MYOCOS: variants seen among roughly 807,000 people sequenced by gnomAD.
The protein encoded by MYOCOS is myocilin opposite strand protein.
At chr1:171,611,645 G>T (rs1652353614) in intron 1 of MYOCOS, among the ~76,000 whole-genome samples, 1 of 152,174 alleles carries the variant, frequency 6.6e-6, no homozygotes, top group African/African-American at 2.4e-5. Flanking sequence ...GCCTGGACCT[G>T]CAGGGTCCTT....
chr1:171,614,123 T>C (rs1188147525), intron 1 of MYOCOS, among the ~76,000 whole-genome samples: 1 of 152,224 alleles, frequency 6.6e-6, no homozygotes, highest in African/African-American at 2.4e-5. Flanking sequence ...AATTTAACAA[T>C]TGTGCCATTA....
At chr1:171,601,857 C>G (rs1352025748) in intron 1 of MYOCOS, among the ~76,000 whole-genome samples, 1 of 152,038 alleles carries the variant, frequency 6.6e-6, no homozygotes, top group Non-Finnish European at 1.5e-5. Context: ...CCATCTATAC[C>G]AATTCTAAGT....
rs374069702 is a variant in MYOCOS at position 171,610,862 on chromosome 1, T to C, written c.-251-3936T>C. On this transcript the variant is annotated intron_variant, in intron 1 of 3. Coordinates refer to the MYOCOS transcript ENST00000636697. ...AAGGTAAAACAAACACTTTAAGCCC[T>C]CTGATAGTGGTGCTAGTTTAGGTCT... is the stretch of plus-strand genomic sequence containing the variant. 2.7e-4 allele frequency among the ~76,000 whole-genome samples: 41 copies of C among 152,354 alleles called. 1 individual carries two copies. The South Asian group carries it at 7.5e-3, about 28-fold the overall frequency.
At chr1:171,621,053 C>A (rs1481391481), upstream of MYOCOS, among the ~76,000 whole-genome samples, 1 of 152,040 alleles carries the variant, frequency 6.6e-6, no homozygotes, top group African/African-American at 2.4e-5. Flanking sequence ...CAGGCACGAG[C>A]CACCGTGCCC....
intron 1 of MYOCOS, among the ~76,000 whole-genome samples, chr1:171,601,782 G>T (rs1652147001): frequency 6.6e-6 from 1 of 152,108 alleles, no homozygotes; most frequent in African/African-American, 2.4e-5. Flanking sequence ...CCCCACAGTA[G>T]TTAAGAGAAC....
At chr1:171,609,324 T>C (rs1487028811) in intron 1 of MYOCOS, among the ~76,000 whole-genome samples, 1 of 152,182 alleles carries the variant, frequency 6.6e-6, no homozygotes, top group African/African-American at 2.4e-5. Flanking sequence ...GAGACTAGAG[T>C]CAAGTATCCC....
chr1:171,617,996 C>A (rs531183294), upstream of MYOCOS, among the ~76,000 whole-genome samples: 1 of 152,266 alleles, frequency 6.6e-6, no homozygotes, highest in East Asian at 1.9e-4. Flanking sequence ...ATGTGGAATT[C>A]TCTTATGATT....
intron 2 of MYOCOS, among the ~76,000 whole-genome samples, chr1:171,616,969 C>A (rs937357010): frequency 6.6e-6 from 1 of 152,144 alleles, no homozygotes; most frequent in African/African-American, 2.4e-5. Context: ...GGCATGCTGG[C>A]ACCTAGAGAA....
At chr1:171,605,575 A>G (rs1652229636) in intron 1 of MYOCOS, among the ~76,000 whole-genome samples, 1 of 152,158 alleles carries the variant, frequency 6.6e-6, no homozygotes, top group Non-Finnish European at 1.5e-5. Context: ...TGATCAGTGG[A>G]CAGGTAGCTG....
At chr1:171,616,878 C>CTGT (rs1436787832) in intron 2 of MYOCOS, among the ~76,000 whole-genome samples, 8 of 152,136 alleles carry the variant, frequency 5.3e-5, no homozygotes, top group Admixed American at 2.0e-4. Flanking sequence ...AGCCATGTAG[C>CTGT]CATAACATGG....
At position 171,605,373 on chromosome 1, in the gene MYOCOS, C is replaced by CCACACACACACACA. The variant is rs55880778; in HGVS notation, c.-252+4302_-252+4315dup. Among the ~76,000 whole-genome samples, 7 of 139,220 alleles carry CCACACACACACACA rather than the reference C, an allele frequency of 5.0e-5. No homozygotes were observed. The East Asian group carries it at 8.4e-4, about 17-fold the overall frequency. The allele number at this position is 139,220 out of a possible 152,430, so 91.3% of individuals were successfully genotyped here. A position where few individuals can be genotyped will look rare whatever the true frequency, so the allele number is the denominator to read the frequency against. ...TAAGACAAAAACCATATTAATAGTA[C>CCACACACACACACA]CACACACACACACACACACACAAAA... On this transcript the variant is annotated intron_variant, in intron 1 of 3. Coordinates refer to the MYOCOS transcript ENST00000636697.
At chr1:171,614,391 C>T (rs1558080515) in intron 1 of MYOCOS, among the ~76,000 whole-genome samples, 1 of 152,170 alleles carries the variant, frequency 6.6e-6, no homozygotes, top group Non-Finnish European at 1.5e-5. Flanking sequence ...GCAGAGGGAT[C>T]AGTTGAACTG....
At chr1:171,623,770 A>G in intron 1 of MYOCOS, 71 bp from the exon 2 acceptor site, 1 of 397,298 alleles carries the variant, frequency 2.5e-6, no homozygotes, top group Non-Finnish European at 4.4e-6. Flanking sequence ...AAACTGCGCC[A>G]TTCTGGACCT....
chr1:171,624,459 T>TATTATTATA (rs986693101), intron 2 of MYOCOS, among the ~76,000 whole-genome samples: 12 of 143,998 alleles, frequency 8.3e-5, no homozygotes, highest in African/African-American at 3.1e-4. Flanking sequence ...TTATTATTAT[T>TATTATTATA]ATATTGAGAC....
chr1:171,608,107 C>T (rs531341234), intron 1 of MYOCOS, among the ~76,000 whole-genome samples: 5 of 152,122 alleles, frequency 3.3e-5, no homozygotes, highest in Admixed American at 6.5e-5. Context: ...TATCTCCCAC[C>T]GGGTCCCTCC....
upstream of MYOCOS, among the ~76,000 whole-genome samples, chr1:171,619,668 G>T (rs575568992): frequency 6.6e-6 from 1 of 151,930 alleles, no homozygotes; most frequent in African/African-American, 2.4e-5. Context: ...GGCCAATATG[G>T]TTGAACCCCA....
At chr1:171,614,007 T>A (rs1267306841) in intron 1 of MYOCOS, among the ~76,000 whole-genome samples, 1 of 152,190 alleles carries the variant, frequency 6.6e-6, no homozygotes, top group Non-Finnish European at 1.5e-5. Context: ...AGAGGCATTG[T>A]CCTTATAATT....
intron 1 of MYOCOS, among the ~76,000 whole-genome samples, chr1:171,612,467 A>T (rs1178383444): frequency 6.6e-6 from 1 of 151,754 alleles, no homozygotes; most frequent in Non-Finnish European, 1.5e-5. Context: ...ACTTGGGGGG[A>T]AGCAGAAAGA....
intron 1 of MYOCOS, chr1:171,604,492 A>G (rs1051774424): frequency 1.3e-5 from 2 of 152,340 alleles, no homozygotes; most frequent in African/African-American, 4.8e-5. Context: ...TAATCCAGGA[A>G]GTGACCAGCC....
Sources: gnomAD v4.1 joint callset for allele counts (sites outside exome capture counted in the v4.1 genomes callset) on GRCh38, gnomAD v4.1.1 for gene constraint, MANE v1.5 for transcripts, NCBI Gene and HGNC (gene_info 2026-07-23, HGNC 2026-07-21) for gene names.